The following TRAK1 variants were observed in gnomAD, a reference collection of about 807,000 sequenced individuals.
TRAK1 encodes the protein trafficking kinesin-binding protein 1.
In TRAK1, 33 loss-of-function variants were observed where a neutral mutation model predicts 92.1. The observed-to-expected ratio is 0.36, with a 90% confidence interval of 0.27 to 0.48. The LOEUF (loss-of-function observed/expected upper bound fraction) is 0.48, where lower values mean the gene tolerates loss of function less well. Ranked by LOEUF, TRAK1 falls within the 20% of genes least tolerant of loss-of-function variation. TRAK1 has a pLI of 0.99. For synonymous variants in TRAK1, 521 were observed against 517.3 expected, an observed-to-expected ratio of 1.01 and a Z score of -0.10; for missense variants, 1,123 against 1,257.9, an observed-to-expected ratio of 0.89 and a Z score of 1.62.
At chr3:42,111,714 T>A (rs1367047334) in intron 1 of TRAK1, among the ~76,000 whole-genome samples, 1 of 152,178 alleles carries the variant, frequency 6.6e-6, no homozygotes, top group East Asian at 1.9e-4. Flanking sequence ...GTAATCTTAC[T>A]AAATTCAAAA....
At chr3:42,032,816 A>G (rs1040703690) in intron 1 of TRAK1, among the ~76,000 whole-genome samples, 2 of 152,114 alleles carry the variant, frequency 1.3e-5, no homozygotes, top group Non-Finnish European at 2.9e-5. Context: ...CCAGCTACTC[A>G]GAGGCCGAGG....
At chr3:42,018,077 C>T (rs1482196428) in intron 1 of TRAK1, among the ~76,000 whole-genome samples, 1 of 108,192 alleles carries the variant, frequency 9.2e-6, no homozygotes, top group African/African-American at 3.3e-5. Flanking sequence ...ATAGTGAGAC[C>T]TCATTGTTAC....
intron 2 of TRAK1, among the ~76,000 whole-genome samples, chr3:42,138,651 C>T (rs1275731955): frequency 6.6e-6 from 1 of 150,500 alleles, no homozygotes; most frequent in African/African-American, 2.4e-5. Context: ...CTCCCGGGGG[C>T]TGAGGCAGGA....
intron 1 of TRAK1, among the ~76,000 whole-genome samples, chr3:42,111,810 T>C (rs997144473): frequency 1.3e-5 from 2 of 152,192 alleles, no homozygotes; most frequent in Non-Finnish European, 2.9e-5. Context: ...GGGTTTATAG[T>C]TTTGTAACCC....
chr3:42,223,278 C>T lies in TRAK1; in HGVS notation c.2403C>T (p.Cys801=), dbSNP rs1351100837. Residue 801 remains cysteine, a synonymous_variant, in exon 16 of 16, where the codon TGC becomes TGT. Coordinates refer to ENST00000327628, the MANE Select transcript of TRAK1 (RefSeq NM_001042646.3). The surrounding 1 kb of genome is among the most constrained non-coding windows in gnomAD (Gnocchi z 6.1). Reference sequence around the variant, plus strand: ...CCCCACCCTCCTTTGAGTTCAAGTGCACGAGCCCTCCCTACGACAATTTCC... The same window carrying T: ...CCCCACCCTCCTTTGAGTTCAAGTGTACGAGCCCTCCCTACGACAATTTCC... ...TSSPPSFEFK[C]TSPPYDNFLA... The T allele has an allele frequency of 4.3e-6, 7 of 1,614,098 alleles. No homozygotes were observed. The highest frequency in any genetic ancestry group is 1.7e-5 in the Admixed American group (1 of 60,018).
chr3:42,208,316 T>G (rs1708567966), intron 13 of TRAK1, among the ~76,000 whole-genome samples: 1 of 152,184 alleles, frequency 6.6e-6, no homozygotes, highest in Non-Finnish European at 1.5e-5. Flanking sequence ...GTGCACCTTT[T>G]TTTTCCTTTT....
chr3:42,091,522 G>A lies in TRAK1; in HGVS notation c.53G>A (p.Gly18Glu), dbSNP rs548054167. 129 of 1,613,478 alleles carry A rather than the reference G, an allele frequency of 8.0e-5. 1 individual carries two copies. In the South Asian group the frequency reaches 1.2e-3, roughly 16 times the overall value. ...GQPVRAQPLP[G>E]LCHGKLIRTN... ...CCCGTCAGGGCTCAGCCTCTGCCAG[G>A]ACTCTGCCACGGCAAGCTCATTCGG... The change falls in exon 1 of 16, where the codon GGA (glycine) becomes GAA (glutamate). Residue 18 changes from glycine to glutamate, a missense_variant. Physicochemically the swap from Gly to Glu is moderately conservative, Grantham distance 98. Coordinates refer to ENST00000327628, the MANE Select transcript of TRAK1 (RefSeq NM_001042646.3).
chr3:42,167,472 TA>T (rs1422222254), intron 2 of TRAK1, among the ~76,000 whole-genome samples: 1 of 152,022 alleles, frequency 6.6e-6, no homozygotes, highest in Non-Finnish European at 1.5e-5. Flanking sequence ...CTTTTTATTG[TA>T]ATTGCTGAGA....
chr3:42,016,084 AAATAATAGAGC>A (rs1701513249), intron 1 of TRAK1, among the ~76,000 whole-genome samples: 1 of 152,222 alleles, frequency 6.6e-6, no homozygotes, highest in Non-Finnish European at 1.5e-5. Context: ...GGGCTTTCAA[AAATAATAGAGC>A]ACTATTCACA....
intron 2 of TRAK1, among the ~76,000 whole-genome samples, chr3:42,129,404 GAC>G (rs1419175417): frequency 7.9e-5 from 12 of 152,158 alleles, no homozygotes; most frequent in Admixed American, 7.9e-4. Flanking sequence ...GATCAGAGCA[GAC>G]ACAGCCCCTT....
chr3:42,221,067 G>A (rs1710296155), intron 15 of TRAK1, among the ~76,000 whole-genome samples: 1 of 136,756 alleles, frequency 7.3e-6, no homozygotes, highest in African/African-American at 2.8e-5. Flanking sequence ...AGCAAGAGAA[G>A]GCTCTTTTTT....
chr3:42,194,075 G>A (rs1706218808), intron 9 of TRAK1, among the ~76,000 whole-genome samples, 177 bp downstream of exon 9: 1 of 152,222 alleles, frequency 6.6e-6, no homozygotes, highest in African/African-American at 2.4e-5. Context: ...CACTGACACT[G>A]TTACTGGTTA....
chr3:42,221,824 A>G (rs1392569656), intron 15 of TRAK1: 2 of 152,164 alleles, frequency 1.3e-5, no homozygotes, highest in Non-Finnish European at 2.9e-5. Context: ...GCAGCTGTTA[A>G]AAGAGAACCT....
chr3:42,159,281 T>G (rs1444952014), intron 2 of TRAK1, among the ~76,000 whole-genome samples: 1 of 152,116 alleles, frequency 6.6e-6, no homozygotes, highest in Non-Finnish European at 1.5e-5. Context: ...TTCGGGAGGT[T>G]GGAATGAGTG....
intron 1 of TRAK1, among the ~76,000 whole-genome samples, chr3:42,054,596 T>A (rs1281107169): frequency 2.0e-5 from 3 of 152,226 alleles, no homozygotes. Flanking sequence ...ATTGGAAGAC[T>A]CAGCTGTTTT....
chr3:42,193,919 C>T (rs199620006), intron 9 of TRAK1, 21 bp downstream of exon 9: 1 of 1,609,664 alleles, frequency 6.2e-7, no homozygotes, highest in African/African-American at 1.3e-5. Context: ...CTCCCTCATT[C>T]CTTCAGTGCC....
At chr3:42,029,766 C>T (rs1702049177) in intron 1 of TRAK1, among the ~76,000 whole-genome samples, 1 of 151,950 alleles carries the variant, frequency 6.6e-6, no homozygotes, top group African/African-American at 2.4e-5. Context: ...GCAGGCTGGT[C>T]TCAAACTCCT....
chr3:42,149,829 G>T (rs1277982928), intron 2 of TRAK1, among the ~76,000 whole-genome samples: 1 of 152,182 alleles, frequency 6.6e-6, no homozygotes, highest in Non-Finnish European at 1.5e-5. Flanking sequence ...TTGCTTAGAA[G>T]GGGAGATGGT....
At chr3:42,023,189 T>G (rs1040067343) in intron 1 of TRAK1, among the ~76,000 whole-genome samples, 10 of 131,262 alleles carry the variant, frequency 7.6e-5, no homozygotes, top group Non-Finnish European at 1.5e-4. Flanking sequence ...AAAAAGAAAA[T>G]AAATATTCCT....
Sources: gnomAD v4.1 joint callset for allele counts (sites outside exome capture counted in the v4.1 genomes callset) on GRCh38, gnomAD v4.1.1 for gene constraint, Gnocchi (gnomAD v3.1) non-coding constraint, MANE v1.5 for transcripts, NCBI Gene and HGNC (gene_info 2026-07-23, HGNC 2026-07-21) for gene names.